NLN: variants seen among roughly 807,000 people sequenced by gnomAD.
The protein encoded by NLN is neurolysin, mitochondrial.
Under a neutral mutation model 79.9 loss-of-function variants are expected in NLN, and 64 were observed. That is an observed-to-expected ratio of 0.80 (90% CI 0.65 to 0.99). NLN has a LOEUF of 0.99. Ranked by LOEUF, NLN falls within the 50% of genes least tolerant of loss-of-function variation. The pLI, the probability that NLN is intolerant of heterozygous loss-of-function variation, is 0.00. For synonymous variants in NLN, 267 were observed against 296.6 expected (o/e 0.90, Z 1.02); for missense variants, 835 against 858.7 (o/e 0.97, Z 0.34).
chr5:65,792,715 C>T (rs778586986), intron 9 of NLN, 60 bp downstream of exon 9: 2 of 1,296,202 alleles, frequency 1.5e-6, no homozygotes, highest in African/African-American at 2.9e-5. Context: ...AACTTCTTGA[C>T]TGCTGTCAGG....
chr5:65,812,227 A>C (rs1457123516), intron 11 of NLN, 28 bp from the exon 12 acceptor site: 2 of 1,608,640 alleles, frequency 1.2e-6, no homozygotes, highest in Non-Finnish European at 1.7e-6. Flanking sequence ...TTGCTATCAC[A>C]TTGATTGAAA....
At chr5:65,762,830 G>T in intron 2 of NLN, 130 bp from the exon 3 acceptor site, 1 of 815,672 alleles carries the variant, frequency 1.2e-6, no homozygotes. Flanking sequence ...AGCCTTAGGA[G>T]GCTTTACAGA....
chr5:65,753,200 G>T (rs57409191), intron 1 of NLN, among the ~76,000 whole-genome samples: 6,518 of 152,202 alleles, frequency 0.043, 412 homozygotes, highest in African/African-American at 0.14. Context: ...ATCCTATAAA[G>T]ATGTGCAATT....
In NLN at chr5:65,758,771, A is replaced by G; in HGVS notation, c.246A>G (p.Glu82=). ...CTGTTGGAATGCTCGGTATTGAGGA[A>G]GTAACTTACGAGAACTGTCTGCAGG... The part of the protein sequence containing the change: ...YDAVGMLGIE[E]VTYENCLQAL... Residue 82 remains glutamate (E), a synonymous_variant, in exon 2 of 13, where the codon GAA becomes GAG. Transcript: ENST00000380985. 1 of 1,613,826 alleles carries G rather than the reference A, an allele frequency of 6.2e-7. No individual in the cohort carries two copies. Among genetic ancestry groups the G allele is most frequent in the Non-Finnish European group, 8.5e-7 (1 of 1,179,766 alleles).
chr5:65,811,269 C>A, intron 11 of NLN, among the ~76,000 whole-genome samples: 1 of 152,108 alleles, frequency 6.6e-6, no homozygotes. Context: ...CTAGGCTCCC[C>A]ACATAGTAAG....
At chr5:65,813,252 T>G (rs942349104) in intron 12 of NLN, among the ~76,000 whole-genome samples, 1 of 152,226 alleles carries the variant, frequency 6.6e-6, no homozygotes, top group African/African-American at 2.4e-5. Flanking sequence ...TACTTCATTA[T>G]TTTGAAGCAT....
chr5:65,722,644 GGACTGCCTCAGCCGCAGTCAGCGA>G (rs766878750), intron 1 of NLN: 29 of 523,390 alleles, frequency 5.5e-5, no homozygotes, highest in South Asian at 1.2e-4. Flanking sequence ...TCTTTGTTTG[GGACTGCCTCAGCCGCAGTCAGCGA>G]GGCTGGTCAC....
intron 9 of NLN, among the ~76,000 whole-genome samples, chr5:65,795,752 A>G (rs1760161471): frequency 6.6e-6 from 1 of 152,164 alleles, no homozygotes; most frequent in Non-Finnish European, 1.5e-5. Context: ...TATCGTGTGG[A>G]CCTTCTATCA....
intron 1 of NLN, among the ~76,000 whole-genome samples, chr5:65,746,770 C>T (rs1190620383): frequency 4.0e-5 from 6 of 151,870 alleles, no homozygotes; most frequent in Non-Finnish European, 7.4e-5. Context: ...TTTGGGAGGC[C>T]GAGGCAGGCG....
chr5:65,765,469 GAC>G (rs1759431577), intron 3 of NLN, among the ~76,000 whole-genome samples: 4 of 152,148 alleles, frequency 2.6e-5, no homozygotes, highest in Non-Finnish European at 4.4e-5. Context: ...AGTGAGTCTA[GAC>G]TGTGCCATTG....
chr5:65,782,503 T>C (rs1759822782), intron 6 of NLN, among the ~76,000 whole-genome samples: 1 of 152,210 alleles, frequency 6.6e-6, no homozygotes, highest in Non-Finnish European at 1.5e-5. Flanking sequence ...TCTTCTGAAT[T>C]TATCCATCTC....
intron 9 of NLN, among the ~76,000 whole-genome samples, chr5:65,805,902 T>C (rs768260251): frequency 1.1e-4 from 16 of 152,242 alleles, no homozygotes; most frequent in African/African-American, 2.4e-5. Context: ...TTAATGCAGC[T>C]GGTGACTTGA....
intron 1 of NLN, among the ~76,000 whole-genome samples, chr5:65,724,784 G>T (rs940431044): frequency 6.6e-6 from 1 of 150,714 alleles, no homozygotes; most frequent in South Asian, 2.1e-4. Context: ...CCTAGGAGTG[G>T]CATTGTTTCT....
At chr5:65,756,208 T>C (rs541614337) in intron 1 of NLN, among the ~76,000 whole-genome samples, 1 of 152,314 alleles carries the variant, frequency 6.6e-6, no homozygotes, top group East Asian at 1.9e-4. Flanking sequence ...CTTCTCACTC[T>C]GCAAACTCCC....
intron 3 of NLN, among the ~76,000 whole-genome samples, chr5:65,774,965 T>G (rs1759648995): frequency 6.6e-6 from 1 of 151,966 alleles, no homozygotes; most frequent in Non-Finnish European, 1.5e-5. Context: ...CCTCAAGTAA[T>G]CCGTCCAATT....
Position 65,734,005 on chromosome 5 carries a change from C to T in NLN, c.41+11591C>T, listed in dbSNP as rs1362325107. ...CTCTGCCTCCAGGGTTCATGCCATT[C>T]TCCTGCCTCAGCCTCCAGAGTAGCT... On this transcript the variant is annotated intron_variant, in intron 1 of 12. Transcript: ENST00000380985. Among the ~76,000 whole-genome samples, 2 of 138,218 alleles carry T rather than the reference C, an allele frequency of 1.4e-5. 1 individual carries two copies. Among genetic ancestry groups the T allele is most frequent in the Non-Finnish European group, 3.2e-5 (2 of 62,842 alleles). The allele number at this position is 138,218 out of a possible 152,430, so 90.7% of individuals were successfully genotyped here. A position where few individuals can be genotyped will look rare whatever the true frequency, so the allele number is the denominator to read the frequency against.
At chr5:65,780,084 C>T in intron 4 of NLN, 95 bp from the exon 5 acceptor site, 1 of 636,304 alleles carries the variant, frequency 1.6e-6, no homozygotes, top group South Asian at 1.8e-5. Context: ...CCTTAGCCTC[C>T]CAAATTGCTG....
At chr5:65,733,064 C>G in intron 1 of NLN, 1 of 1,370,018 alleles carries the variant, frequency 7.3e-7, no homozygotes, top group South Asian at 1.2e-5. Context: ...TAACTGGCAC[C>G]ATTGCCCATA....
Position 65,728,356 on chromosome 5 carries a change from G to A in NLN, c.41+5942G>A, listed in dbSNP as rs117574621. 7.0e-4 allele frequency among the ~76,000 whole-genome samples: 106 copies of A among 151,954 alleles called. 3 individuals are homozygous for A. In the East Asian group the frequency reaches 0.017, roughly 24 times the overall value. ...GATGTATGCAATTTGATTAATATAC[G>A]CCTTTAGAAATGTCAACTATTCCCA... On this transcript the variant is annotated intron_variant, in intron 1 of 12. Coordinates refer to ENST00000380985, the MANE Select transcript of NLN (RefSeq NM_020726.5).
Sources: allele counts gnomAD v4.1 joint callset (sites outside exome capture counted in the v4.1 genomes callset), GRCh38; gene constraint gnomAD v4.1.1; transcripts MANE v1.5; gene names NCBI Gene and HGNC (gene_info 2026-07-23, HGNC 2026-07-21).